IL1RAPL2: variants seen among roughly 807,000 people sequenced by gnomAD.
IL1RAPL2 encodes interleukin 1 receptor accessory protein like 2.
In IL1RAPL2, 3 loss-of-function variants were observed where a neutral mutation model predicts 44.1. That is an observed-to-expected ratio of 0.07 (90% CI 0.03 to 0.18). The LOEUF (loss-of-function observed/expected upper bound fraction) is 0.18. IL1RAPL2 is among the 10% of genes least tolerant of loss of function. The probability of loss-of-function intolerance (pLI) is 1.00; values close to 1 mark genes in which losing one functional copy is unlikely to be tolerated. For missense variants in IL1RAPL2, 391 were observed against 496.4 expected (o/e 0.79, Z 2.02); for synonymous variants, 181 against 178.8 (o/e 1.01, Z -0.10).
At chrX:104,606,841 C>G (rs1929025268) in intron 1 of IL1RAPL2, among the ~76,000 whole-genome samples, 1 of 111,500 alleles carries the variant, frequency 9.0e-6, no homozygotes, top group Non-Finnish European at 1.9e-5. Flanking sequence ...CATTGCTACC[C>G]CCATCAAGCT....
chrX:104,771,906 A>T (rs767209710), intron 2 of IL1RAPL2, among the ~76,000 whole-genome samples: 1 of 112,229 alleles, frequency 8.9e-6, no homozygotes, highest in Non-Finnish European at 1.9e-5. Flanking sequence ...TATTATGTAC[A>T]TAATAAAACA....
chrX:104,858,654 C>T (rs1922425330), intron 2 of IL1RAPL2, among the ~76,000 whole-genome samples: 1 of 112,299 alleles, frequency 8.9e-6, no homozygotes, highest in African/African-American at 3.2e-5. Flanking sequence ...ATCTGTGTCA[C>T]TTGCTTATCT....
chrX:105,247,830 T>A (rs2034234925), intron 4 of IL1RAPL2, among the ~76,000 whole-genome samples: 1 of 110,736 alleles, frequency 9.0e-6, no homozygotes, highest in African/African-American at 3.3e-5. Context: ...CTTCTCTCTT[T>A]GTGTGTATAT....
chrX:105,267,338 T>C, intron 4 of IL1RAPL2, 50 bp from the exon 5 acceptor site: 2 of 1,079,394 alleles, frequency 1.9e-6, no homozygotes, highest in Non-Finnish European at 1.3e-6. Context: ...TACTGAGATG[T>C]AGTCTGTGAA....
intron 2 of IL1RAPL2, among the ~76,000 whole-genome samples, chrX:105,109,238 GTGTC>G (rs949340127): frequency 6.3e-5 from 7 of 111,902 alleles, no homozygotes; most frequent in African/African-American, 2.3e-4. Flanking sequence ...GGCCAGAACT[GTGTC>G]TGTCTAATTC....
intron 2 of IL1RAPL2, among the ~76,000 whole-genome samples, chrX:105,075,191 C>T (rs2032274668): frequency 9.0e-6 from 1 of 111,353 alleles, no homozygotes; most frequent in Non-Finnish European, 1.9e-5. Flanking sequence ...TCATAGATAG[C>T]TCTTATTATT....
At chrX:105,028,800 A>G (rs1194900952) in intron 2 of IL1RAPL2, among the ~76,000 whole-genome samples, 1 of 111,226 alleles carries the variant, frequency 9.0e-6, no homozygotes, top group African/African-American at 3.3e-5. Context: ...ACATAAGAAC[A>G]AGGACTTGAG....
At chrX:104,837,917 A>G (rs1921785750) in intron 2 of IL1RAPL2, among the ~76,000 whole-genome samples, 1 of 112,044 alleles carries the variant, frequency 8.9e-6, no homozygotes, top group East Asian at 2.8e-4. Flanking sequence ...AGGTGTAAGG[A>G]AGGGGTCCAG....
chrX:104,909,361 G>A (rs1338568972), intron 2 of IL1RAPL2, among the ~76,000 whole-genome samples: 9 of 112,238 alleles, frequency 8.0e-5, no homozygotes, highest in East Asian at 5.6e-4. Flanking sequence ...GTCATTCTCT[G>A]TCCAGCTTTG....
intron 4 of IL1RAPL2, among the ~76,000 whole-genome samples, chrX:105,247,692 ATATTAATATAAAGT>A (rs2034233570): frequency 1.9e-5 from 2 of 106,937 alleles, no homozygotes; most frequent in Non-Finnish European, 3.9e-5. Context: ...GTGAAGAGGT[ATATTAATATAAAGT>A]TAGTTTCATC....
At chrX:104,936,755 G>A (rs1925037829) in intron 2 of IL1RAPL2, among the ~76,000 whole-genome samples, 1 of 106,356 alleles carries the variant, frequency 9.4e-6, no homozygotes, top group Non-Finnish European at 1.9e-5. Context: ...ACAGGCACCC[G>A]CCACCACGGT....
chrX:105,454,871 C>T (rs2036044368), intron 5 of IL1RAPL2, among the ~76,000 whole-genome samples: 1 of 107,660 alleles, frequency 9.3e-6, no homozygotes, highest in Non-Finnish European at 1.9e-5. Context: ...CCCCAGCAAC[C>T]CCTATCCCCA....
chrX:104,950,005 T>C (rs1259994121), intron 2 of IL1RAPL2, among the ~76,000 whole-genome samples: 1 of 111,335 alleles, frequency 9.0e-6, no homozygotes, highest in East Asian at 2.8e-4. Context: ...ATCTGTCTAA[T>C]GTTGACAGTG....
At chrX:105,145,846 C>G (rs989691254) in intron 2 of IL1RAPL2, among the ~76,000 whole-genome samples, 1 of 111,535 alleles carries the variant, frequency 9.0e-6, no homozygotes, top group Admixed American at 9.5e-5. Context: ...ATGGTTTGAA[C>G]GTTTGTGTCC....
At chrX:105,589,055 T>G (rs1478800941) in intron 6 of IL1RAPL2, among the ~76,000 whole-genome samples, 1 of 111,792 alleles carries the variant, frequency 8.9e-6, no homozygotes, top group African/African-American at 3.3e-5. Flanking sequence ...TCTGTTAATT[T>G]TTGACTTTTT....
intron 5 of IL1RAPL2, among the ~76,000 whole-genome samples, chrX:105,361,588 G>A (rs2035247963): frequency 9.0e-6 from 1 of 111,135 alleles, no homozygotes; most frequent in East Asian, 2.8e-4. Context: ...GTTAGAGACA[G>A]GCCACACACA....
intron 1 of IL1RAPL2, among the ~76,000 whole-genome samples, chrX:104,609,215 T>C (rs144219312): frequency 0.05 from 5,497 of 109,756 alleles, 358 homozygotes; most frequent in African/African-American, 0.17. Flanking sequence ...TTCTGCAGAG[T>C]GATCTGCTGT....
chrX:104,922,967 A>G (rs1924681625), intron 2 of IL1RAPL2, among the ~76,000 whole-genome samples: 1 of 111,372 alleles, frequency 9.0e-6, no homozygotes, highest in Non-Finnish European at 1.9e-5. Flanking sequence ...AAGAAAACAA[A>G]CAGAACTTCT....
chrX:104,566,673 G>C lies in IL1RAPL2; in HGVS notation c.-398G>C, dbSNP rs1160690689. The C allele has an allele frequency of 8.8e-6, 1 of 113,089 alleles. No homozygotes were observed. The highest frequency in any genetic ancestry group is 9.2e-5 in the Admixed American group (1 of 10,830). The allele number at this position is 113,089 out of a possible 1,213,427, so 9.3% of individuals were successfully genotyped here. On this transcript the variant is annotated 5_prime_UTR_variant, in exon 1 of 11. Transcript: ENST00000372582. ...TCTGGGAGGCAGGCGACTTAGGAGAGTCTAGTCACTGAGAGACAGAGGCAG... is the reference window on the plus strand; with the variant it reads ...TCTGGGAGGCAGGCGACTTAGGAGACTCTAGTCACTGAGAGACAGAGGCAG...
Sources: gnomAD v4.1 joint callset for allele counts (sites outside exome capture counted in the v4.1 genomes callset) on GRCh38, gnomAD v4.1.1 for gene constraint, MANE v1.5 for transcripts, NCBI Gene and HGNC (gene_info 2026-07-23, HGNC 2026-07-21) for gene names.